ADAMTS17: variants seen among roughly 807,000 people sequenced by gnomAD.
The protein encoded by ADAMTS17 is A disintegrin and metalloproteinase with thrombospondin motifs 17.
Under a neutral mutation model 141.5 loss-of-function variants are expected in ADAMTS17, and 113 were observed. The observed-to-expected ratio is 0.80, with a 90% confidence interval of 0.69 to 0.93. ADAMTS17 has a LOEUF of 0.93. Ranked by LOEUF, ADAMTS17 falls within the 40% of genes least tolerant of loss-of-function variation. The pLI, the probability that ADAMTS17 is intolerant of heterozygous loss-of-function variation, is 0.00. For synonymous variants in ADAMTS17, 768 were observed against 630.6 expected, an observed-to-expected ratio of 1.22 and a Z score of -3.27; for missense variants, 1,659 against 1,517.9, an observed-to-expected ratio of 1.09 and a Z score of -1.54.
chr15:100,071,166 C>T (rs1234694282), intron 15 of ADAMTS17, among the ~76,000 whole-genome samples: 1 of 150,482 alleles, frequency 6.6e-6, no homozygotes, highest in Non-Finnish European at 1.5e-5. Context: ...TTCCTTAACA[C>T]ATACTCCCTC....
intron 18 of ADAMTS17, among the ~76,000 whole-genome samples, chr15:100,034,843 A>G (rs978669153): frequency 6.6e-6 from 1 of 152,226 alleles, no homozygotes; most frequent in Non-Finnish European, 1.5e-5. Context: ...TTCCCACATA[A>G]GAAAAAGTTA....
intron 18 of ADAMTS17, among the ~76,000 whole-genome samples, chr15:100,016,882 T>C (rs1389495953): frequency 6.6e-6 from 1 of 152,194 alleles, no homozygotes; most frequent in Non-Finnish European, 1.5e-5. Context: ...GCACCAGCTA[T>C]GGTAGTATGG....
At chr15:100,002,005 A>AAGGCCAAAACC (rs2060936576) in intron 18 of ADAMTS17, among the ~76,000 whole-genome samples, 4 of 149,718 alleles carry the variant, frequency 2.7e-5, no homozygotes, top group Non-Finnish European at 5.9e-5. Context: ...AAAAAAAAAA[A>AAGGCCAAAACC]AAAAAAAAAA....
chr15:100,065,243 T>C (rs993515978), intron 15 of ADAMTS17, among the ~76,000 whole-genome samples: 1 of 152,222 alleles, frequency 6.6e-6, no homozygotes, highest in Non-Finnish European at 1.5e-5. Flanking sequence ...AACATACATA[T>C]ATCATTTTAT....
At chr15:100,259,152 A>G (rs10459745) in intron 6 of ADAMTS17, among the ~76,000 whole-genome samples, 12,226 of 152,290 alleles carry the variant, frequency 0.08, 634 homozygotes, top group East Asian at 0.14. Context: ...AAACCTTGGG[A>G]GTTTAGCTGC....
intron 15 of ADAMTS17, among the ~76,000 whole-genome samples, chr15:100,067,146 T>C (rs202124966): frequency 6.6e-6 from 1 of 151,078 alleles, no homozygotes. Flanking sequence ...CCTTTCTAAG[T>C]GGCCCATCTG....
intron 15 of ADAMTS17, among the ~76,000 whole-genome samples, chr15:100,076,231 T>C (rs980635344): frequency 2.6e-5 from 4 of 151,888 alleles, no homozygotes; most frequent in East Asian, 1.9e-4. Flanking sequence ...TTAGTAGAGA[T>C]GGGGTTGCAC....
chr15:100,165,222 C>A (rs1206724716), intron 8 of ADAMTS17, among the ~76,000 whole-genome samples: 1 of 152,204 alleles, frequency 6.6e-6, no homozygotes, highest in Non-Finnish European at 1.5e-5. Context: ...AAAGACAGTC[C>A]TTAGGGAGTG....
intron 20 of ADAMTS17, chr15:99,979,173 G>A (rs575324944): frequency 1.4e-4 from 22 of 152,166 alleles, no homozygotes; most frequent in African/African-American, 5.1e-4. Context: ...GGCGGATCAC[G>A]AGGTGAGGAG....
At chr15:100,324,722 C>T (rs1191451896) in intron 3 of ADAMTS17, among the ~76,000 whole-genome samples, 1 of 152,166 alleles carries the variant, frequency 6.6e-6, no homozygotes, top group African/African-American at 2.4e-5. Flanking sequence ...CCTCTCTCTC[C>T]CTGACTTAAT....
At chr15:100,273,632 G>A (rs1163113540) in intron 4 of ADAMTS17, among the ~76,000 whole-genome samples, 9 of 152,098 alleles carry the variant, frequency 5.9e-5, no homozygotes, top group Admixed American at 5.2e-4. Context: ...TCTTTCCAAA[G>A]AACTAACTCT....
intron 13 of ADAMTS17, among the ~76,000 whole-genome samples, chr15:100,110,771 C>A (rs1407068744): frequency 6.6e-6 from 1 of 152,162 alleles, no homozygotes; most frequent in Non-Finnish European, 1.5e-5. Context: ...CTCAGTGGGT[C>A]CTTCTGGTGG....
chr15:100,336,411 T>C (rs1163562789), intron 2 of ADAMTS17, among the ~76,000 whole-genome samples: 1 of 152,212 alleles, frequency 6.6e-6, no homozygotes, highest in Non-Finnish European at 1.5e-5. Flanking sequence ...CCTCCAATAC[T>C]TCCGTGCCTC....
intron 3 of ADAMTS17, among the ~76,000 whole-genome samples, chr15:100,285,310 A>G (rs1335377253): frequency 1.3e-5 from 2 of 152,254 alleles, no homozygotes; most frequent in Non-Finnish European, 2.9e-5. Flanking sequence ...GGACTGCCAA[A>G]AATGTTGAGC....
chr15:100,100,181 A>T (rs994512671), intron 14 of ADAMTS17, among the ~76,000 whole-genome samples: 4 of 151,578 alleles, frequency 2.6e-5, no homozygotes, highest in Admixed American at 1.3e-4. Context: ...GACACCCCAG[A>T]GTGTGTGCTA....
At chr15:100,082,766 CT>C (rs71151935) in intron 15 of ADAMTS17, among the ~76,000 whole-genome samples, 68,177 of 123,068 alleles carry the variant, frequency 0.55, 19,139 homozygotes, top group Non-Finnish European at 0.66. Flanking sequence ...TCTCGTTAGT[CT>C]TTTTTTTTTT....
chr15:100,284,005 C>T (rs915228297), intron 3 of ADAMTS17, among the ~76,000 whole-genome samples: 9 of 152,078 alleles, frequency 5.9e-5, no homozygotes, highest in South Asian at 2.1e-4. Context: ...ACTCGGGAGG[C>T]GAGGCAGGAT....
intron 18 of ADAMTS17, among the ~76,000 whole-genome samples, chr15:100,009,903 T>C (rs2727153): frequency 0.57 from 86,845 of 152,114 alleles, 25,561 homozygotes; most frequent in African/African-American, 0.69. Flanking sequence ...AGCTTTGAGT[T>C]TGATATGGTT....
intron 2 of ADAMTS17, 60 bp from the exon 3 acceptor site, chr15:100,331,114 C>A: frequency 1.2e-6 from 2 of 1,603,462 alleles, no homozygotes; most frequent in Non-Finnish European, 1.7e-6. Flanking sequence ...ACGCCCATGG[C>A]CCCCCGGAGG....
Sources: allele counts gnomAD v4.1 joint callset (sites outside exome capture counted in the v4.1 genomes callset), GRCh38; gene constraint gnomAD v4.1.1; transcripts MANE v1.5; gene names NCBI Gene and HGNC (gene_info 2026-07-23, HGNC 2026-07-21).